Variants in KAZN observed in about 807,000 individuals in gnomAD.
KAZN encodes kazrin.
A neutral mutation model predicts 87.4 loss-of-function variants in KAZN; 40 were observed. That is an observed-to-expected ratio of 0.46 (90% confidence interval 0.36 to 0.60). The LOEUF (loss-of-function observed/expected upper bound fraction) is 0.60, where lower values mean the gene tolerates loss of function less well. Among genes scored for constraint, KAZN ranks in the 20% least tolerant of loss-of-function variants. The pLI is 0.00. For missense variants in KAZN, 898 were observed against 1,073.9 expected, an observed-to-expected ratio of 0.84 and a Z score of 2.29; for synonymous variants, 466 against 458.3, an observed-to-expected ratio of 1.02 and a Z score of -0.22.
intron 1 of KAZN, among the ~76,000 whole-genome samples, chr1:14,731,445 C>T (rs1488532969): frequency 6.6e-6 from 1 of 152,220 alleles, no homozygotes; most frequent in Non-Finnish European, 1.5e-5. Flanking sequence ...AAGCCTTGCT[C>T]CAGGGCCCAC....
chr1:14,797,866 C>T (rs1027815140), intron 1 of KAZN, among the ~76,000 whole-genome samples: 7 of 152,180 alleles, frequency 4.6e-5, no homozygotes, highest in African/African-American at 1.7e-4. Flanking sequence ...CTTAGTGCAA[C>T]TCCTAACTCA....
intron 2 of KAZN, among the ~76,000 whole-genome samples, chr1:14,506,587 G>A (rs1449778603): frequency 6.6e-6 from 1 of 152,108 alleles, no homozygotes; most frequent in African/African-American, 2.4e-5. Context: ...TGCCAAAGTG[G>A]GGATCATCAT....
At chr1:13,916,940 G>A (rs889267983) in intron 1 of KAZN, among the ~76,000 whole-genome samples, 2 of 152,184 alleles carry the variant, frequency 1.3e-5, no homozygotes, top group Admixed American at 6.5e-5. Flanking sequence ...ACATGTGGAG[G>A]AGGCTGGCAT....
chr1:14,702,055 C>T (rs1162089469), intron 1 of KAZN, among the ~76,000 whole-genome samples: 1 of 152,184 alleles, frequency 6.6e-6, no homozygotes, highest in Non-Finnish European at 1.5e-5. Flanking sequence ...CTGGTCCTTT[C>T]TCATATGAGT....
chr1:15,010,197 A>G (rs1669439192), intron 2 of KAZN, among the ~76,000 whole-genome samples: 1 of 152,082 alleles, frequency 6.6e-6, no homozygotes, highest in South Asian at 2.1e-4. Flanking sequence ...CAGGGTCTGG[A>G]GTTTGCTAAT....
chr1:15,087,337 TTC>T (rs902200183), intron 8 of KAZN, among the ~76,000 whole-genome samples: 1 of 136,526 alleles, frequency 7.3e-6, no homozygotes, highest in Non-Finnish European at 1.5e-5. Context: ...ATAATTTACA[TTC>T]TTTTTTTTTT....
At chr1:14,330,699 C>T (rs540478284) in intron 2 of KAZN, among the ~76,000 whole-genome samples, 3 of 152,154 alleles carry the variant, frequency 2.0e-5, no homozygotes, top group African/African-American at 7.2e-5. Context: ...ATGTGGTCAT[C>T]ACGGACTTTC....
intron 13 of KAZN, among the ~76,000 whole-genome samples, chr1:15,104,616 G>T (rs1037994064): frequency 6.6e-6 from 1 of 152,120 alleles, no homozygotes; most frequent in South Asian, 2.1e-4. Context: ...GCATATTAAT[G>T]ATGCTTATGG....
chr1:14,891,741 G>C (rs1654742297), intron 1 of KAZN, among the ~76,000 whole-genome samples: 1 of 152,152 alleles, frequency 6.6e-6, no homozygotes, highest in Admixed American at 6.5e-5. Context: ...AAGTATTAAC[G>C]GGGGTAGTGG....
intron 2 of KAZN, among the ~76,000 whole-genome samples, chr1:14,419,282 CAT>C (rs1393441469): frequency 3.9e-5 from 6 of 152,144 alleles, no homozygotes; most frequent in African/African-American, 1.4e-4. Context: ...TTCCCAAAGT[CAT>C]AAAGCGCAAA....
intron 1 of KAZN, among the ~76,000 whole-genome samples, chr1:13,963,974 C>T (rs557171302): frequency 6.6e-6 from 1 of 152,140 alleles, no homozygotes; most frequent in African/African-American, 2.4e-5. Context: ...AGAGTATCTA[C>T]CTCCTAATGC....
chr1:14,565,594 AT>A (rs1364989544), intron 2 of KAZN, among the ~76,000 whole-genome samples: 1 of 152,186 alleles, frequency 6.6e-6, no homozygotes, highest in African/African-American at 2.4e-5. Context: ...GTAGCATGCA[AT>A]GCTGTTTGCA....
intron 1 of KAZN, among the ~76,000 whole-genome samples, chr1:14,765,063 T>C (rs1436519318): frequency 6.6e-6 from 1 of 152,166 alleles, no homozygotes; most frequent in Non-Finnish European, 1.5e-5. Context: ...GACTAGTGCT[T>C]CTCTCTCCAC....
intron 1 of KAZN, among the ~76,000 whole-genome samples, chr1:14,718,228 C>T (rs920322404): frequency 2.0e-5 from 3 of 152,218 alleles, no homozygotes; most frequent in Admixed American, 6.5e-5. Flanking sequence ...AAGAAAATGT[C>T]GCTCATTTCC....
chr1:14,038,388 C>G (rs114190484), intron 1 of KAZN, among the ~76,000 whole-genome samples: 1,528 of 152,126 alleles, frequency 0.01, 33 homozygotes, highest in African/African-American at 0.035. Context: ...AAGTTGCAGA[C>G]AAAGGGAGCC....
intron 1 of KAZN, among the ~76,000 whole-genome samples, chr1:14,736,302 T>TAC (rs1643903756): frequency 7.2e-6 from 1 of 139,098 alleles, no homozygotes; most frequent in Non-Finnish European, 1.5e-5. Context: ...TGTGTGTGTA[T>TAC]ATTTTTTTTT....
At chr1:14,141,457 A>T (rs756117739) in intron 1 of KAZN, among the ~76,000 whole-genome samples, 40 of 151,044 alleles carry the variant, frequency 2.6e-4, no homozygotes, top group Non-Finnish European at 4.9e-4. Flanking sequence ...TCCTTCGCTG[A>T]TGGAACCAGA....
chr1:14,515,827 A>T (rs1350597427), intron 2 of KAZN, among the ~76,000 whole-genome samples: 2 of 151,728 alleles, frequency 1.3e-5, no homozygotes, highest in African/African-American at 4.9e-5. Flanking sequence ...AATGGTTCTT[A>T]CTTCTCCTGG....
intron 2 of KAZN, among the ~76,000 whole-genome samples, chr1:14,324,103 G>A (rs1656237088): frequency 6.6e-6 from 1 of 152,150 alleles, no homozygotes; most frequent in Non-Finnish European, 1.5e-5. Context: ...GTCTAAATGT[G>A]TATGTTCATT....
Sources: allele counts gnomAD v4.1 joint callset (sites outside exome capture counted in the v4.1 genomes callset), GRCh38; gene constraint gnomAD v4.1.1; transcripts MANE v1.5; gene names NCBI Gene and HGNC (gene_info 2026-07-23, HGNC 2026-07-21).